The following CLSTN2 variants were observed in gnomAD, a reference collection of about 807,000 sequenced individuals.
CLSTN2 encodes the protein calsyntenin 2.
CLSTN2 carries 48 observed loss-of-function variants against 101.2 expected under a neutral mutation model. The observed-to-expected ratio is 0.47, with a 90% CI of 0.38 to 0.60. The LOEUF (loss-of-function observed/expected upper bound fraction) is 0.60, where lower values mean the gene tolerates loss of function less well. Among genes scored for constraint, CLSTN2 ranks in the 20% least tolerant of loss-of-function variants. The pLI is 0.00. For missense variants in CLSTN2, 1,160 were observed against 1,238.2 expected, an observed-to-expected ratio of 0.94 and a Z score of 0.95; for synonymous variants, 481 against 463.6, an observed-to-expected ratio of 1.04 and a Z score of -0.48.
chr3:140,146,085 C>A (rs148112632), intron 1 of CLSTN2, among the ~76,000 whole-genome samples: 12 of 152,322 alleles, frequency 7.9e-5, no homozygotes. Context: ...CACCTGTCAC[C>A]CTCTGGTGAG....
rs144088913 is a variant in CLSTN2 at position 140,315,116 on chromosome 3, G to A, written c.233-88513G>A. 2.5e-3 allele frequency among the ~76,000 whole-genome samples: 382 copies of A among 152,346 alleles called. 1 individual carries two copies. The highest frequency in any genetic ancestry group is 8.8e-3 in the African/African-American group (366 of 41,578). ...GGAGCAGAAATAAAGCACTGCTGAT[G>A]AGGGAAGGGAGGATGGCCTTCACCC... On this transcript the variant is annotated intron_variant, in intron 2 of 16. Coordinates refer to ENST00000458420, the MANE Select transcript of CLSTN2 (RefSeq NM_022131.3).
intron 1 of CLSTN2, among the ~76,000 whole-genome samples, chr3:140,102,076 T>A (rs998629219): frequency 6.6e-6 from 1 of 152,248 alleles, no homozygotes; most frequent in African/African-American, 2.4e-5. Flanking sequence ...GGCCATTTTC[T>A]AGGTCCTAAT....
At position 139,935,330 on chromosome 3, in the gene CLSTN2, C is replaced by A; in HGVS notation, c.-45C>A. The A allele has an allele frequency of 9.2e-7, 1 of 1,085,432 alleles. No homozygotes were observed. Among genetic ancestry groups the A allele is most frequent in the Non-Finnish European group, 1.2e-6 (1 of 857,036 alleles). 67.2% of individuals were successfully genotyped at this position (1,085,432 alleles called of 1,614,324 possible). A position where few individuals can be genotyped will look rare whatever the true frequency, so the allele number is the denominator to read the frequency against. On this transcript the variant is annotated 5_prime_UTR_variant, in exon 1 of 17. Coordinates refer to ENST00000458420, the MANE Select transcript of CLSTN2 (RefSeq NM_022131.3). This position sits in a 1 kb window ranked among gnomAD's most constrained non-coding sequence, Gnocchi z 5.5. ...AGGCACCGGGAGGCGAGAGCCGGCG[C>A]GGACAGTAGGCGGCGGCTGCAGCTC...
intron 1 of CLSTN2, among the ~76,000 whole-genome samples, chr3:140,168,365 C>G (rs1054377112): frequency 4.6e-5 from 7 of 152,028 alleles, no homozygotes; most frequent in African/African-American, 1.7e-4. Context: ...TTTTGAAAAT[C>G]AAATTGTCTT....
chr3:140,111,077 G>A (rs2009147913), intron 1 of CLSTN2, among the ~76,000 whole-genome samples: 1 of 152,166 alleles, frequency 6.6e-6, no homozygotes, highest in Admixed American at 6.5e-5. Context: ...ATCACTCTAT[G>A]CTTCCTATCT....
intron 2 of CLSTN2, among the ~76,000 whole-genome samples, chr3:140,325,739 C>T (rs945734002): frequency 2.0e-5 from 3 of 152,144 alleles, no homozygotes; most frequent in African/African-American, 7.2e-5. Context: ...TTCCTTTCTT[C>T]TCCTCTACCT....
intron 2 of CLSTN2, among the ~76,000 whole-genome samples, chr3:140,263,258 C>T (rs2086668814): frequency 6.6e-6 from 1 of 152,100 alleles, no homozygotes; most frequent in South Asian, 2.1e-4. Flanking sequence ...AGAATGGGAA[C>T]TTGGTTCATG....
In CLSTN2 at chr3:139,987,530, A is replaced by T. The variant is rs149248317; in HGVS notation, c.109+52047A>T. Among the ~76,000 whole-genome samples, 447 of 152,340 alleles carry T rather than the reference A, an allele frequency of 2.9e-3. 1 individual carries two copies. Among genetic ancestry groups the T allele is most frequent in the South Asian group, 9.3e-3 (45 of 4,826 alleles). ...CTCACCAACAGGGTCTCTTTCCAAA[A>T]GCTGCCTGCCATTATGCCATCGGCT... On this transcript the variant is annotated intron_variant, in intron 1 of 16. Coordinates refer to ENST00000458420, the MANE Select transcript of CLSTN2 (RefSeq NM_022131.3).
rs115174177 is a variant in CLSTN2 at position 140,148,112 on chromosome 3, C to T, written c.110-27839C>T. Among the ~76,000 whole-genome samples the T allele has an allele frequency of 7.1e-3, 1,082 of 152,296 alleles. 14 individuals are homozygous for T. Among genetic ancestry groups the T allele is most frequent in the African/African-American group, 0.025 (1,023 of 41,564 alleles). On this transcript the variant is annotated intron_variant, in intron 1 of 16. Coordinates refer to ENST00000458420, the MANE Select transcript of CLSTN2 (RefSeq NM_022131.3). ...GATGGAGGGCTTGCCCTACTGTTCACGCAATTGCTCCCCACCACCTGCTAC... is the reference window on the plus strand; with the variant it reads ...GATGGAGGGCTTGCCCTACTGTTCATGCAATTGCTCCCCACCACCTGCTAC...
At chr3:140,109,264 C>T (rs2009113720) in intron 1 of CLSTN2, among the ~76,000 whole-genome samples, 1 of 152,206 alleles carries the variant, frequency 6.6e-6, no homozygotes, top group Non-Finnish European at 1.5e-5. Flanking sequence ...TCTCTCTACT[C>T]TACCAGAAAT....
chr3:140,171,992 A>G (rs1267250316), intron 1 of CLSTN2, among the ~76,000 whole-genome samples: 1 of 146,732 alleles, frequency 6.8e-6, no homozygotes, highest in Non-Finnish European at 1.5e-5. Flanking sequence ...TTAACCATAT[A>G]ATCACCTTGG....
At position 140,272,002 on chromosome 3, in the gene CLSTN2, A is replaced by G. The variant is rs148372738; in HGVS notation, c.232+95929A>G. On this transcript the variant is annotated intron_variant, in intron 2 of 16. Coordinates refer to ENST00000458420, the MANE Select transcript of CLSTN2 (RefSeq NM_022131.3). The stretch of plus-strand genomic sequence containing the variant: ...CCTATTCTTTCTCAGTTGTGATAAT[A>G]GCGGTGTTTAGAGCAGCTACCAGGG... Among the ~76,000 whole-genome samples the G allele has an allele frequency of 6.1e-4, 93 of 152,326 alleles. 1 individual carries two copies. Among genetic ancestry groups the G allele is most frequent in the African/African-American group, 2.1e-3 (86 of 41,580 alleles).
intron 5 of CLSTN2, among the ~76,000 whole-genome samples, chr3:140,438,830 C>T (rs2088714707): frequency 6.6e-6 from 1 of 152,174 alleles, no homozygotes. Context: ...ACCTTTCCAG[C>T]ATCAGTTCTG....
At chr3:140,083,350 T>A (rs1158879860) in intron 1 of CLSTN2, among the ~76,000 whole-genome samples, 1 of 152,192 alleles carries the variant, frequency 6.6e-6, no homozygotes, top group African/African-American at 2.4e-5. Flanking sequence ...AATTTTCTAA[T>A]GGCAGCAAGG....
At chr3:140,283,961 T>C (rs1287459866) in intron 2 of CLSTN2, among the ~76,000 whole-genome samples, 1 of 152,208 alleles carries the variant, frequency 6.6e-6, no homozygotes, top group Non-Finnish European at 1.5e-5. Context: ...TCTAATTCTC[T>C]GTTAGAAGCT....
chr3:140,515,134 T>A (rs187821464), intron 8 of CLSTN2, among the ~76,000 whole-genome samples: 56 of 136,032 alleles, frequency 4.1e-4, no homozygotes, highest in Admixed American at 3.5e-3. Flanking sequence ...TTTATTCCTC[T>A]CCTCTAGGTT....
chr3:140,211,771 G>A (rs941847894), intron 2 of CLSTN2, among the ~76,000 whole-genome samples: 1 of 151,866 alleles, frequency 6.6e-6, no homozygotes, highest in African/African-American at 2.4e-5. Flanking sequence ...TTCTCCCTGA[G>A]CCCCTCAAAC....
intron 2 of CLSTN2, among the ~76,000 whole-genome samples, chr3:140,198,454 C>T (rs1003283759): frequency 6.6e-6 from 1 of 152,184 alleles, no homozygotes; most frequent in Non-Finnish European, 1.5e-5. Context: ...GCTGCACTCT[C>T]CTCTGGAGCT....
chr3:140,136,749 C>T (rs530557512), intron 1 of CLSTN2, among the ~76,000 whole-genome samples: 101 of 152,248 alleles, frequency 6.6e-4, no homozygotes, highest in African/African-American at 2.3e-3. Flanking sequence ...TGGGAAAACC[C>T]AATGAACCCT....
Sources: allele counts gnomAD v4.1 joint callset (sites outside exome capture counted in the v4.1 genomes callset), GRCh38; gene constraint gnomAD v4.1.1; non-coding constraint Gnocchi (gnomAD v3.1); transcripts MANE v1.5; gene names NCBI Gene and HGNC (gene_info 2026-07-23, HGNC 2026-07-21).